MAST2: variants seen among roughly 807,000 people sequenced by gnomAD.
The protein encoded by MAST2 is microtubule associated serine/threonine kinase 2.
In MAST2, 70 loss-of-function variants were observed where a neutral mutation model predicts 147.4. The observed-to-expected ratio is 0.47, with a 90% confidence interval of 0.39 to 0.58. The LOEUF is 0.58. Among genes scored for constraint, MAST2 ranks in the 20% least tolerant of loss-of-function variants. The probability of loss-of-function intolerance (pLI) is 0.00; values close to 1 mark genes in which losing one functional copy is unlikely to be tolerated. For synonymous variants in MAST2, 869 were observed against 896.8 expected (o/e 0.97, Z 0.55); for missense variants, 2,080 against 2,302.3 (o/e 0.90, Z 1.98).
At chr1:46,021,916 T>C (rs1403159393) in intron 11 of MAST2, 34 bp from the exon 12 acceptor site, 3 of 1,611,432 alleles carry the variant, frequency 1.9e-6, no homozygotes, top group African/African-American at 2.7e-5. Flanking sequence ...CGCTTATATC[T>C]GTCACCACTG....
At chr1:45,982,156 TG>T (rs1644436580) in intron 5 of MAST2, among the ~76,000 whole-genome samples, 1 of 152,178 alleles carries the variant, frequency 6.6e-6, no homozygotes, top group Non-Finnish European at 1.5e-5. Context: ...GCTGTAATTT[TG>T]GCCTTTTAAG....
At chr1:45,919,118 A>T (rs1653040080) in intron 4 of MAST2, among the ~76,000 whole-genome samples, 1 of 152,260 alleles carries the variant, frequency 6.6e-6, no homozygotes, top group South Asian at 2.1e-4. Flanking sequence ...CCTTGTCAAA[A>T]AAACAAAAAC....
At chr1:45,984,079 C>T (rs553116243) in intron 5 of MAST2, among the ~76,000 whole-genome samples, 3 of 152,090 alleles carry the variant, frequency 2.0e-5, no homozygotes, top group Admixed American at 1.3e-4. Context: ...TCTAATCTTC[C>T]AAAAGAAAGG....
Position 46,035,115 on chromosome 1 carries a change from G to T in MAST2, c.4446G>T (p.Arg1482=), listed in dbSNP as rs773452266. 6.2e-7 allele frequency: 1 copy of T among 1,613,610 alleles called. No homozygotes were observed. Among genetic ancestry groups the T allele is most frequent in the Non-Finnish European group, 8.5e-7 (1 of 1,179,958 alleles). The part of the protein sequence containing the change: ...PAPSRALGTL[R]QDRAERRESL... The stretch of plus-strand genomic sequence containing the variant: ...CCTCACGGGCCCTAGGCACCCTCCG[G>T]CAGGACCGAGCCGAACGACGGGAGT... Residue 1482 remains arginine, a synonymous_variant, in exon 29 of 29, where the codon CGG becomes CGT. Transcript: ENST00000361297. This position sits in a 1 kb window ranked among gnomAD's most constrained non-coding sequence, Gnocchi z 5.5.
At chr1:45,845,643 A>T (rs1246665838) in intron 3 of MAST2, among the ~76,000 whole-genome samples, 1 of 152,250 alleles carries the variant, frequency 6.6e-6, no homozygotes, top group African/African-American at 2.4e-5. Flanking sequence ...AAAGTAACAT[A>T]ATTAAAATCA....
chr1:46,034,157 C>G lies in MAST2; in HGVS notation c.3759C>G (p.Arg1253=). ...HTSRSLSSLN[R]SLSSGESGPG... is the part of the protein sequence containing the mutation. ...GCCGCAGCCTTTCTTCCCTTAACCGCTCCTTGTCATCAGGGGAGAGTGGGC... is the reference window on the plus strand; with the variant it reads ...GCCGCAGCCTTTCTTCCCTTAACCGGTCCTTGTCATCAGGGGAGAGTGGGC... The change falls in exon 28 of 29, where the codon CGC becomes CGG. Residue 1253 remains arginine (R), a synonymous_variant. Transcript: ENST00000361297. 1 of 1,614,210 alleles carries G rather than the reference C, an allele frequency of 6.2e-7. No homozygotes were observed. The highest frequency in any genetic ancestry group is 1.1e-5 in the South Asian group (1 of 91,090).
chr1:45,940,150 G>T (rs571927444), intron 4 of MAST2, among the ~76,000 whole-genome samples: 2 of 151,202 alleles, frequency 1.3e-5, no homozygotes, highest in South Asian at 2.1e-4. Flanking sequence ...CCACTGCCAC[G>T]CCTGGCTAAT....
At chr1:45,835,454 G>A (rs1427917197) in intron 3 of MAST2, among the ~76,000 whole-genome samples, 1 of 152,020 alleles carries the variant, frequency 6.6e-6, no homozygotes, top group Non-Finnish European at 1.5e-5. Flanking sequence ...TGTGATTATA[G>A]CAAACTGCTA....
chr1:45,991,807 C>G (rs1644864581), intron 5 of MAST2, among the ~76,000 whole-genome samples: 1 of 152,190 alleles, frequency 6.6e-6, no homozygotes, highest in South Asian at 2.1e-4. Flanking sequence ...CATGTCATCT[C>G]TAAACATAAA....
At chr1:45,988,269 G>A (rs79656727) in intron 5 of MAST2, among the ~76,000 whole-genome samples, 2 of 151,916 alleles carry the variant, frequency 1.3e-5, no homozygotes, top group East Asian at 1.9e-4. Context: ...ACACCTTGGC[G>A]TCCCAAAGTG....
Position 46,008,101 on chromosome 1 carries a change from A to G in MAST2, c.903-195A>G, listed in dbSNP as rs528313985. The stretch of plus-strand genomic sequence containing the variant: ...TTGTGAAAACCAAGCCTAGCTCCAT[A>G]TAGTACCATTTTGAACTGAACAAGG... On this transcript the variant is annotated intron_variant, in intron 8 of 28. Coordinates refer to ENST00000361297, the MANE Select transcript of MAST2 (RefSeq NM_015112.3). Among the ~76,000 whole-genome samples, 3 of 152,300 alleles carry G rather than the reference A, an allele frequency of 2.0e-5. No individual in the cohort carries two copies. In the South Asian group the frequency reaches 6.2e-4, roughly 32 times the overall value.
At chr1:46,022,132 G>T in intron 12 of MAST2, 50 bp downstream of exon 12, 18 of 1,606,244 alleles carry the variant, frequency 1.1e-5, no homozygotes, top group Non-Finnish European at 1.5e-5. Flanking sequence ...CTGCTGGCAA[G>T]CTCTAACAGC....
chr1:46,034,428 G>C (rs1646814472), intron 28 of MAST2, 110 bp from the exon 29 acceptor site: 17 of 1,345,536 alleles, frequency 1.3e-5, no homozygotes, highest in Non-Finnish European at 1.5e-5. Flanking sequence ...GAAGGGGGTA[G>C]CTTGGTTTCT....
At chr1:45,894,910 T>C (rs748484582) in intron 4 of MAST2, among the ~76,000 whole-genome samples, 6 of 152,352 alleles carry the variant, frequency 3.9e-5, no homozygotes, top group Non-Finnish European at 5.9e-5. Flanking sequence ...TTTTCAATAC[T>C]GTAATTATTG....
chr1:45,985,129 C>G (rs2149081398), intron 5 of MAST2, among the ~76,000 whole-genome samples: 1 of 152,238 alleles, frequency 6.6e-6, no homozygotes, highest in African/African-American at 2.4e-5. Flanking sequence ...GTGATCTCAG[C>G]TCATTGCAAC....
chr1:45,857,850 G>GTTTTTTTTTTTTTTTTTTT (rs35371770), intron 3 of MAST2, among the ~76,000 whole-genome samples: 1 of 66,572 alleles, frequency 1.5e-5, no homozygotes, highest in Non-Finnish European at 2.7e-5. Flanking sequence ...AACATGCGGT[G>GTTTTTTTTTTTTTTTTTTT]TTTTTTTTTT....
rs59051138 is a variant in MAST2, at chr1:45,900,173, C to CAAAAAA, written c.500+17795_500+17800dup. Among the ~76,000 whole-genome samples, 145 of 54,088 alleles carry CAAAAAA rather than the reference C, an allele frequency of 2.7e-3. 9 individuals carry two copies. Among genetic ancestry groups the CAAAAAA allele is most frequent in the East Asian group, 0.015 (25 of 1,660 alleles). 35.5% of individuals were successfully genotyped at this position (54,088 alleles called of 152,430 possible). ...CGACAGAGCGAGACTCTCTCTCTCT[C>CAAAAAA]AAAAAAAAAAAAAAAAAAAAAAGAT... On this transcript the variant is annotated intron_variant, in intron 4 of 28. Transcript: ENST00000361297.
At chr1:45,825,490 T>C (rs12097761) in intron 2 of MAST2, among the ~76,000 whole-genome samples, 43,010 of 151,390 alleles carry the variant, frequency 0.28, 6,239 homozygotes, top group South Asian at 0.39. Flanking sequence ...TGGAGTTTAG[T>C]GGCATGATGT....
At chr1:45,976,966 G>A (rs561044812) in intron 5 of MAST2, among the ~76,000 whole-genome samples, 1 of 152,252 alleles carries the variant, frequency 6.6e-6, no homozygotes, top group South Asian at 2.1e-4. Context: ...GACAAAAGTG[G>A]CACTATAGAG....
Sources: allele counts gnomAD v4.1 joint callset (sites outside exome capture counted in the v4.1 genomes callset), GRCh38; gene constraint gnomAD v4.1.1; non-coding constraint Gnocchi (gnomAD v3.1); transcripts MANE v1.5; gene names NCBI Gene and HGNC (gene_info 2026-07-23, HGNC 2026-07-21).